Variants in PRKN observed in about 807,000 individuals in gnomAD.
The protein encoded by PRKN is parkin RBR E3 ubiquitin protein ligase, also known as E3 ubiquitin-protein ligase parkin.
A neutral mutation model predicts 59.5 loss-of-function variants in PRKN; 56 were observed. The ratio of observed to expected loss-of-function variants is 0.94; its 90% CI spans 0.76 to 1.18. PRKN has a LOEUF of 1.18. Among genes scored for constraint, PRKN ranks in the 50% most tolerant of loss-of-function variants. The pLI, the probability that PRKN is intolerant of heterozygous loss-of-function variation, is 0.00. For synonymous variants in PRKN, 250 were observed against 222.1 expected (o/e 1.13, Z -1.12); for missense variants, 657 against 596.4 (o/e 1.10, Z -1.06).
chr6:161,606,407 T>G (rs1583284384), intron 7 of PRKN, among the ~76,000 whole-genome samples: 1 of 152,102 alleles, frequency 6.6e-6, no homozygotes, highest in Admixed American at 6.5e-5. Context: ...TTTTGACCAG[T>G]AGGGATGGTG....
rs1014404120 is a variant in PRKN at position 161,498,152 on chromosome 6, A to G, written c.1083+50702T>C. Among the ~76,000 whole-genome samples, 13 of 152,338 alleles carry G rather than the reference A, an allele frequency of 8.5e-5. No homozygotes were observed. The highest frequency in any genetic ancestry group is 2.9e-4 in the African/African-American group (12 of 41,574). On this transcript the variant is annotated intron_variant, in intron 9 of 11. Coordinates refer to ENST00000366898, the MANE Select transcript of PRKN (RefSeq NM_004562.3). This position sits in a 1 kb window ranked among gnomAD's most constrained non-coding sequence, Gnocchi z 4.2. ...TGGGAAAAAAGACAAATTATTGTTAATCAATTTCTAACCTATACTATTCAT... is the reference window on the plus strand; with the variant it reads ...TGGGAAAAAAGACAAATTATTGTTAGTCAATTTCTAACCTATACTATTCAT...
intron 7 of PRKN, among the ~76,000 whole-genome samples, chr6:161,656,184 G>T (rs1121035): frequency 0.12 from 18,339 of 152,166 alleles, 2,438 homozygotes; most frequent in African/African-American, 0.33. Flanking sequence ...CAAACCATTC[G>T]GTCAAGGAGC....
rs1001861924 is a variant in PRKN at position 161,429,050 on chromosome 6, A to T, written c.1084-42173T>A. 6.6e-6 allele frequency among the ~76,000 whole-genome samples: 1 copy of T among 152,212 alleles called. No individual in the cohort carries two copies. The highest frequency in any genetic ancestry group is 1.5e-5 in the Non-Finnish European group (1 of 68,036). On this transcript the variant is annotated intron_variant, in intron 9 of 11. Transcript: ENST00000366898. The surrounding 1 kb of genome is among the most constrained non-coding windows in gnomAD (Gnocchi z 4.2). The stretch of plus-strand genomic sequence containing the variant: ...CAAGAGATAACGTAAGATGTTCCTG[A>T]AGCTAAACTTCTCTTAGACAGGACA...
chr6:161,506,710 C>T (rs1778186218), intron 9 of PRKN, among the ~76,000 whole-genome samples: 2 of 152,134 alleles, frequency 1.3e-5, no homozygotes, highest in Admixed American at 1.3e-4. Context: ...TTGAGAGGCA[C>T]ACAGCCAGTG....
intron 7 of PRKN, among the ~76,000 whole-genome samples, chr6:161,673,556 A>T (rs1432977579): frequency 6.6e-6 from 1 of 152,182 alleles, no homozygotes; most frequent in East Asian, 1.9e-4. Flanking sequence ...CTGAGAAGCC[A>T]TTGGAGTCTG....
intron 1 of PRKN, among the ~76,000 whole-genome samples, chr6:162,572,901 A>T (rs901353885): frequency 5.3e-5 from 8 of 152,172 alleles, no homozygotes; most frequent in Non-Finnish European, 8.8e-5. Flanking sequence ...TTTGCTCCCC[A>T]GTAATTCTCC....
intron 7 of PRKN, among the ~76,000 whole-genome samples, chr6:161,618,158 T>A (rs1267894722): frequency 2.0e-5 from 3 of 152,218 alleles, no homozygotes; most frequent in Non-Finnish European, 4.4e-5. Flanking sequence ...CAACATATAT[T>A]TTTTTCCTAT....
chr6:161,884,595 C>A (rs1195084344), intron 6 of PRKN, among the ~76,000 whole-genome samples: 1 of 152,138 alleles, frequency 6.6e-6, no homozygotes, highest in Admixed American at 6.6e-5. Context: ...AATGGTGATT[C>A]TTTTATCAAG....
rs531319926 is a variant in PRKN at position 161,434,161 on chromosome 6, G to A, written c.1084-47284C>T. Among the ~76,000 whole-genome samples, 6 of 152,148 alleles carry A rather than the reference G, an allele frequency of 3.9e-5. No homozygotes were observed. In the South Asian group the frequency reaches 1.2e-3, roughly 32 times the overall value. On this transcript the variant is annotated intron_variant, in intron 9 of 11. Coordinates refer to ENST00000366898, the MANE Select transcript of PRKN (RefSeq NM_004562.3). ...TTTGTATGTGGGGAATATATTATTA[G>A]GAAAACAGTTTGAAGACCACCACTC...
At chr6:162,474,278 T>C (rs1030999374) in intron 1 of PRKN, among the ~76,000 whole-genome samples, 4 of 152,206 alleles carry the variant, frequency 2.6e-5, no homozygotes, top group South Asian at 2.1e-4. Context: ...AACTGGGACA[T>C]TGCAAATACC....
intron 7 of PRKN, among the ~76,000 whole-genome samples, chr6:161,716,404 C>A (rs777978200): frequency 1.3e-5 from 2 of 152,032 alleles, no homozygotes; most frequent in Admixed American, 6.6e-5. Flanking sequence ...ATCTGTTTTC[C>A]TTATGCGTGG....
Position 161,769,416 on chromosome 6 carries a change from A to T in PRKN, c.871+16356T>A, listed in dbSNP as rs114126626. Among the ~76,000 whole-genome samples, 1,410 of 152,238 alleles carry T rather than the reference A, an allele frequency of 9.3e-3. 26 individuals carry two copies. Among genetic ancestry groups the T allele is most frequent in the South Asian group, 0.037 (177 of 4,826 alleles). Reference sequence around the variant, plus strand: ...CTGGTCAATGAATTGGCACCATCTGAGTACAGGGTCCTCACTTTGCCCAAG... The same window carrying T: ...CTGGTCAATGAATTGGCACCATCTGTGTACAGGGTCCTCACTTTGCCCAAG... On this transcript the variant is annotated intron_variant, in intron 7 of 11. Transcript: ENST00000366898.
chr6:162,208,480 T>C (rs915644203), intron 3 of PRKN, among the ~76,000 whole-genome samples: 1 of 152,252 alleles, frequency 6.6e-6, no homozygotes, highest in Non-Finnish European at 1.5e-5. Flanking sequence ...CAAAAACTGC[T>C]GATTAAATCT....
At chr6:161,567,351 G>A (rs1003941839) in intron 8 of PRKN, among the ~76,000 whole-genome samples, 2 of 151,996 alleles carry the variant, frequency 1.3e-5, no homozygotes, top group African/African-American at 4.8e-5. Flanking sequence ...CCTGAGTGCT[G>A]TCCTTTTTCA....
intron 6 of PRKN, among the ~76,000 whole-genome samples, chr6:161,920,201 T>C (rs1253773475): frequency 1.3e-5 from 2 of 152,046 alleles, no homozygotes; most frequent in Admixed American, 6.5e-5. Context: ...CTGGCCAACA[T>C]GGTGAAACCC....
At chr6:162,536,129 C>G (rs1051031387) in intron 1 of PRKN, among the ~76,000 whole-genome samples, 6 of 152,074 alleles carry the variant, frequency 3.9e-5, no homozygotes, top group Admixed American at 3.9e-4. Flanking sequence ...AACCAAAGAG[C>G]CGTGGTTCTC....
rs912649636 is a variant in PRKN at position 162,008,981 on chromosome 6, G to A, written c.619-35564C>T. On this transcript the variant is annotated intron_variant, in intron 5 of 11. Coordinates refer to ENST00000366898, the MANE Select transcript of PRKN (RefSeq NM_004562.3). ...ATAAACAGGTGAGGTGTGGCCAAGC[G>A]CAGTGGCTCACGCCTGTAATCCCAG... 1.1e-3 allele frequency among the ~76,000 whole-genome samples: 161 copies of A among 152,028 alleles called. 2 individuals are homozygous for A. The highest frequency in any genetic ancestry group is 1.3e-4 in the Non-Finnish European group (9 of 68,010).
At chr6:161,411,774 T>C (rs1359705997) in intron 9 of PRKN, among the ~76,000 whole-genome samples, 1 of 150,276 alleles carries the variant, frequency 6.7e-6, no homozygotes, top group Non-Finnish European at 1.5e-5. Flanking sequence ...CTTCACTCAC[T>C]CATTCCTTCA....
rs9346886 is a variant in PRKN, at chr6:161,885,685, A to T, written c.734+87617T>A. 6.7e-3 allele frequency among the ~76,000 whole-genome samples: 961 copies of T among 143,074 alleles called. 4 individuals carry two copies. The highest frequency in any genetic ancestry group is 0.011 in the Non-Finnish European group (715 of 67,276). The allele number at this position is 143,074 out of a possible 152,430, so 93.9% of individuals were successfully genotyped here. On this transcript the variant is annotated intron_variant, in intron 6 of 11. Coordinates refer to ENST00000366898, the MANE Select transcript of PRKN (RefSeq NM_004562.3). ...GTCTCAAAAAAAAAAAAAAAAAAAGAATGTCTGAGCCCTCCTGTAGAACAA... is the reference window on the plus strand; with the variant it reads ...GTCTCAAAAAAAAAAAAAAAAAAAGTATGTCTGAGCCCTCCTGTAGAACAA...
Sources: allele counts gnomAD v4.1 joint callset (sites outside exome capture counted in the v4.1 genomes callset), GRCh38; gene constraint gnomAD v4.1.1; non-coding constraint Gnocchi (gnomAD v3.1); transcripts MANE v1.5; gene names NCBI Gene and HGNC (gene_info 2026-07-23, HGNC 2026-07-21).